The following SLC39A9 variants were observed in gnomAD, a reference collection of about 807,000 sequenced individuals.
SLC39A9 encodes zinc transporter ZIP9.
SLC39A9 carries 14 observed loss-of-function variants against 28.4 expected under a neutral mutation model. The ratio of observed to expected loss-of-function variants is 0.49; its 90% CI spans 0.33 to 0.77. The LOEUF (loss-of-function observed/expected upper bound fraction) is 0.77. Among genes scored for constraint, SLC39A9 ranks in the 30% least tolerant of loss-of-function variants. The pLI is 0.02. For missense variants in SLC39A9, 283 were observed against 381.1 expected (o/e 0.74, Z 2.14); for synonymous variants, 119 against 149.6 (o/e 0.80, Z 1.49).
At chr14:69,423,322 T>C (rs1884001759) in intron 1 of SLC39A9, among the ~76,000 whole-genome samples, 1 of 152,322 alleles carries the variant, frequency 6.6e-6, no homozygotes, top group Admixed American at 6.5e-5. Context: ...ATGAAATTTA[T>C]AGTTTATTTA....
At chr14:69,424,297 T>A in intron 2 of SLC39A9, 95 bp downstream of exon 2, 1 of 890,654 alleles carries the variant, frequency 1.1e-6, no homozygotes, top group South Asian at 1.4e-5. Flanking sequence ...ACAGTTCATG[T>A]TTACCATAGA....
intron 4 of SLC39A9, 55 bp from the exon 5 acceptor site, chr14:69,454,757 C>G (rs909443991): frequency 6.9e-7 from 1 of 1,439,130 alleles, no homozygotes; most frequent in African/African-American, 1.4e-5. Context: ...AACCACTACA[C>G]TGTTATTGTT....
intron 1 of SLC39A9, among the ~76,000 whole-genome samples, chr14:69,413,369 A>AT (rs948268823): frequency 2.6e-5 from 4 of 151,728 alleles, no homozygotes; most frequent in Admixed American, 6.6e-5. Flanking sequence ...AAAAAAAAAA[A>AT]TTTTTTTTCA....
rs1886123999 is a variant in SLC39A9 at position 69,461,813 on chromosome 14, C to G, written c.*3220C>G. On this transcript the variant is annotated 3_prime_UTR_variant, in exon 7 of 7. Transcript: ENST00000336643. ...GCAGCACAAACCCCCAAAGGATGTTCCTGCCTTGTGGGCCCCTGAGCCCCT... is the reference window on the plus strand; with the variant it reads ...GCAGCACAAACCCCCAAAGGATGTTGCTGCCTTGTGGGCCCCTGAGCCCCT... The G allele has an allele frequency of 1.4e-6, 2 of 1,465,614 alleles. No homozygotes were observed. Among genetic ancestry groups the G allele is most frequent in the Admixed American group, 2.1e-5 (1 of 47,540 alleles). The allele number at this position is 1,465,614 out of a possible 1,614,324, so 90.8% of individuals were successfully genotyped here. A position where few individuals can be genotyped will look rare whatever the true frequency, so the allele number is the denominator to read the frequency against.
chr14:69,415,887 A>T (rs1372141639), intron 1 of SLC39A9, among the ~76,000 whole-genome samples: 1 of 152,152 alleles, frequency 6.6e-6, no homozygotes, highest in East Asian at 1.9e-4. Flanking sequence ...TATCAGAGAT[A>T]ATAGAGCTAC....
At chr14:69,421,285 G>A (rs759282535) in intron 1 of SLC39A9, among the ~76,000 whole-genome samples, 4 of 152,208 alleles carry the variant, frequency 2.6e-5, no homozygotes, top group Non-Finnish European at 4.4e-5. Flanking sequence ...GAGTTTGCTG[G>A]AGGTCCACTC....
chr14:69,436,073 G>GT (rs991283988), intron 2 of SLC39A9, among the ~76,000 whole-genome samples: 1 of 151,928 alleles, frequency 6.6e-6, no homozygotes, highest in Non-Finnish European at 1.5e-5. Flanking sequence ...ATAAGTGTCT[G>GT]TTTCTCTGCT....
intron 2 of SLC39A9, chr14:69,429,272 T>G (rs1170795544): frequency 2.6e-5 from 4 of 152,184 alleles, no homozygotes; most frequent in African/African-American, 9.7e-5. Context: ...ATTTTTAAAT[T>G]TTTTTAATCT....
At chr14:69,413,806 C>G (rs1883418113) in intron 1 of SLC39A9, among the ~76,000 whole-genome samples, 1 of 152,028 alleles carries the variant, frequency 6.6e-6, no homozygotes, top group Non-Finnish European at 1.5e-5. Flanking sequence ...CTAATCATCC[C>G]TGTAACCACT....
intron 6 of SLC39A9, among the ~76,000 whole-genome samples, chr14:69,457,928 A>G (rs1293949996): frequency 6.6e-6 from 1 of 152,218 alleles, no homozygotes; most frequent in African/African-American, 2.4e-5. Context: ...GAATGGATGG[A>G]CAGAATGATG....
chr14:69,424,080 T>G lies in SLC39A9; in HGVS notation c.97-14T>G. The G allele has an allele frequency of 6.2e-7, 1 of 1,605,960 alleles. No homozygotes were observed. The highest frequency in any genetic ancestry group is 8.5e-7 in the Non-Finnish European group (1 of 1,172,976). ...AATCAAAGTTTGCAATTATTTCTTT[T>G]GCTTTCTCCCCAGGAACGACTGAAG... On this transcript the variant is annotated splice_polypyrimidine_tract_variant and intron_variant, in intron 1 of 6. Transcript: ENST00000336643.
chr14:69,412,434 T>G (rs1333156567), intron 1 of SLC39A9, among the ~76,000 whole-genome samples: 1 of 151,352 alleles, frequency 6.6e-6, no homozygotes, highest in Non-Finnish European at 1.5e-5. Flanking sequence ...AATAAATAAA[T>G]AAATGTATCT....
intron 1 of SLC39A9, among the ~76,000 whole-genome samples, chr14:69,418,998 A>G (rs148934980): frequency 4.1e-4 from 63 of 152,102 alleles, no homozygotes; most frequent in African/African-American, 1.4e-3. Flanking sequence ...TTGCATCTCT[A>G]TGTCCTTCAG....
chr14:69,414,407 A>G (rs747869802), intron 1 of SLC39A9, among the ~76,000 whole-genome samples: 4 of 152,230 alleles, frequency 2.6e-5, no homozygotes, highest in Admixed American at 6.5e-5. Flanking sequence ...TTTCCCCATA[A>G]TGTTACTGAC....
At chr14:69,407,051 CA>C (rs1882957901) in intron 1 of SLC39A9, among the ~76,000 whole-genome samples, 1 of 151,530 alleles carries the variant, frequency 6.6e-6, no homozygotes, top group African/African-American at 2.4e-5. Context: ...AAGGTTTCAC[CA>C]TGTTAGCCAG....
chr14:69,426,167 C>T (rs973063346), intron 2 of SLC39A9, among the ~76,000 whole-genome samples: 26 of 152,276 alleles, frequency 1.7e-4, no homozygotes, highest in Admixed American at 7.8e-4. Flanking sequence ...TTAATTCTGA[C>T]GCTGTCTACC....
intron 1 of SLC39A9, among the ~76,000 whole-genome samples, chr14:69,423,190 T>C (rs1230947893): frequency 6.6e-6 from 1 of 152,232 alleles, no homozygotes; most frequent in East Asian, 1.9e-4. Flanking sequence ...TTTATAAATA[T>C]GAGATTATCA....
chr14:69,406,417 T>G (rs1882914724), intron 1 of SLC39A9, among the ~76,000 whole-genome samples: 1 of 152,194 alleles, frequency 6.6e-6, no homozygotes, highest in Admixed American at 6.5e-5. Context: ...GAAGATGACA[T>G]GAAATGGATT....
chr14:69,412,034 A>G (rs1020821514), intron 1 of SLC39A9, among the ~76,000 whole-genome samples: 7 of 151,386 alleles, frequency 4.6e-5, no homozygotes, highest in Non-Finnish European at 8.8e-5. Flanking sequence ...GCCTGCCTCA[A>G]CCTCCCATAG....
Sources: allele counts gnomAD v4.1 joint callset (sites outside exome capture counted in the v4.1 genomes callset), GRCh38; gene constraint gnomAD v4.1.1; transcripts MANE v1.5; gene names NCBI Gene and HGNC (gene_info 2026-07-23, HGNC 2026-07-21).